Variants in HPSE2 observed in about 807,000 individuals in gnomAD.
HPSE2 encodes inactive heparanase-2.
In HPSE2, 38 loss-of-function variants were observed where a neutral mutation model predicts 60.5. That is an observed-to-expected ratio of 0.63 (90% CI 0.48 to 0.82). The LOEUF (loss-of-function observed/expected upper bound fraction) is 0.82. Among genes scored for constraint, HPSE2 ranks in the 40% least tolerant of loss-of-function variants. The pLI is 0.00. For missense variants in HPSE2, 713 were observed against 740.4 expected (o/e 0.96, Z 0.43); for synonymous variants, 295 against 293.2 (o/e 1.01, Z -0.06).
intron 9 of HPSE2, among the ~76,000 whole-genome samples, chr10:98,524,354 A>G (rs1054199020): frequency 6.6e-6 from 1 of 152,216 alleles, no homozygotes; most frequent in African/African-American, 2.4e-5. Context: ...GGGGACTTCA[A>G]TGATGCTCAA....
chr10:98,756,802 A>C (rs2134372809), intron 3 of HPSE2, among the ~76,000 whole-genome samples: 1 of 152,256 alleles, frequency 6.6e-6, no homozygotes, highest in South Asian at 2.1e-4. Context: ...ATCCAGGAGA[A>C]GAACCTCTTC....
chr10:98,909,117 G>C (rs1953908844), intron 3 of HPSE2, among the ~76,000 whole-genome samples: 1 of 152,064 alleles, frequency 6.6e-6, no homozygotes, highest in South Asian at 2.1e-4. Context: ...AAATATCCTG[G>C]GTTCCTGACG....
chr10:99,087,296 C>A (rs1394284920), intron 3 of HPSE2, among the ~76,000 whole-genome samples: 1 of 152,170 alleles, frequency 6.6e-6, no homozygotes, highest in Non-Finnish European at 1.5e-5. Context: ...AGAAAAACTT[C>A]CCTTTCATGG....
At chr10:98,975,771 G>A (rs1214057345) in intron 3 of HPSE2, among the ~76,000 whole-genome samples, 6 of 152,276 alleles carry the variant, frequency 3.9e-5, no homozygotes, top group Admixed American at 1.3e-4. Context: ...AGTTGAGGTT[G>A]GAGCTAGGTT....
In HPSE2 at chr10:98,979,237, A is replaced by C. The variant is rs536888071; in HGVS notation, c.610+165001T>G. 2.6e-5 allele frequency among the ~76,000 whole-genome samples: 4 copies of C among 152,258 alleles called. No individual in the cohort carries two copies. The East Asian group carries it at 7.7e-4, about 29-fold the overall frequency. On this transcript the variant is annotated intron_variant, in intron 3 of 11. Transcript: ENST00000370552. ...TAGGGTACTGCTGGCCATGAATTCA[A>C]TGTTAATGAATGAACAATACAACAC...
Position 99,096,073 on chromosome 10 carries a change from A to G in HPSE2, c.610+48165T>C, listed in dbSNP as rs1012062638. On this transcript the variant is annotated intron_variant, in intron 3 of 11. Coordinates refer to ENST00000370552, the MANE Select transcript of HPSE2 (RefSeq NM_021828.5). ...TACTCAGGTATAAACTGTCTTTGAT[A>G]TATCTTCTTCAAATCTTCATAAAGT... is the stretch of plus-strand genomic sequence containing the variant. Among the ~76,000 whole-genome samples the G allele has an allele frequency of 9.8e-5, 15 of 152,328 alleles. No individual in the cohort carries two copies. In the East Asian group the frequency reaches 2.9e-3, roughly 29 times the overall value.
intron 9 of HPSE2, among the ~76,000 whole-genome samples, chr10:98,574,138 A>G (rs1410543146): frequency 1.3e-5 from 2 of 151,862 alleles, no homozygotes; most frequent in East Asian, 1.9e-4. Context: ...AAGTGGAATC[A>G]TAACATATGG....
chr10:98,529,479 T>A (rs752472764), intron 9 of HPSE2, among the ~76,000 whole-genome samples: 19 of 152,196 alleles, frequency 1.2e-4, no homozygotes, highest in Non-Finnish European at 2.1e-4. Context: ...CAGCTGAATG[T>A]AGCTGGAGAA....
intron 3 of HPSE2, among the ~76,000 whole-genome samples, chr10:98,993,572 GA>G (rs1158410639): frequency 1.3e-5 from 2 of 152,076 alleles, no homozygotes. Flanking sequence ...ATACATTCCA[GA>G]AATTATGTAA....
At chr10:98,841,522 G>A (rs762887166) in intron 3 of HPSE2, among the ~76,000 whole-genome samples, 1 of 151,986 alleles carries the variant, frequency 6.6e-6, no homozygotes. Flanking sequence ...GTAATCTTCC[G>A]GAACTTAACT....
intron 2 of HPSE2, among the ~76,000 whole-genome samples, chr10:99,166,991 T>C (rs1392370966): frequency 6.8e-6 from 1 of 147,036 alleles, no homozygotes; most frequent in African/African-American, 2.6e-5. Context: ...TTTTTTCTTT[T>C]TTCTTTCCTT....
At chr10:98,716,503 A>C (rs1370370617) in intron 5 of HPSE2, among the ~76,000 whole-genome samples, 1 of 152,060 alleles carries the variant, frequency 6.6e-6, no homozygotes, top group Non-Finnish European at 1.5e-5. Flanking sequence ...TTTCCCATGA[A>C]TCACAAATGT....
rs1042907108 is a variant in HPSE2 at position 99,061,686 on chromosome 10, T to C, written c.610+82552A>G. Among the ~76,000 whole-genome samples, 7 of 152,318 alleles carry C rather than the reference T, an allele frequency of 4.6e-5. No homozygotes were observed. The East Asian group carries it at 1.2e-3, about 25-fold the overall frequency. ...GGGCAATACAGCATAGTAGTTAAGA[T>C]GGTTAGGAGCACAGACTATGGAGCC... On this transcript the variant is annotated intron_variant, in intron 3 of 11. Transcript: ENST00000370552.
rs7100337 is a variant in HPSE2 at position 98,503,332 on chromosome 10, A to C, written c.1321-13136T>G. Among the ~76,000 whole-genome samples the C allele has an allele frequency of 4.6e-3, 698 of 152,310 alleles. 6 individuals carry two copies. The highest frequency in any genetic ancestry group is 0.016 in the African/African-American group (669 of 41,560). On this transcript the variant is annotated intron_variant, in intron 9 of 11. Transcript: ENST00000370552. Reference sequence around the variant, plus strand: ...CAATGCAATACCACCTTACTCCTACAAGAATGGCTGTAATCAAAAAATCAA... The same window carrying C: ...CAATGCAATACCACCTTACTCCTACCAGAATGGCTGTAATCAAAAAATCAA...
chr10:98,965,784 A>AT (rs1955798816), intron 3 of HPSE2, among the ~76,000 whole-genome samples: 1 of 152,232 alleles, frequency 6.6e-6, no homozygotes, highest in South Asian at 2.1e-4. Flanking sequence ...TCATGTATTC[A>AT]GAATATATCA....
At chr10:99,306,200 T>C in the HPSE2 span, among the ~76,000 whole-genome samples, 1 of 152,162 alleles carries the variant, frequency 6.6e-6, no homozygotes, top group Non-Finnish European at 1.5e-5. Flanking sequence ...AGGAGATATG[T>C]TGGAGGATTT....
rs1263429535 is a variant in HPSE2 at position 98,934,929 on chromosome 10, C to A, written c.611-190873G>T. On this transcript the variant is annotated intron_variant, in intron 3 of 11. Coordinates refer to ENST00000370552, the MANE Select transcript of HPSE2 (RefSeq NM_021828.5). ...TCTCTTTCAGGTATCCAAACAGTCA[C>A]AGGTTTGGTCTTTTTACACAGTCCC... 2.1e-5 allele frequency among the ~76,000 whole-genome samples: 3 copies of A among 143,276 alleles called. No homozygotes were observed. The South Asian group carries it at 6.4e-4, about 30-fold the overall frequency. The allele number at this position is 143,276 out of a possible 152,430, so 94.0% of individuals were successfully genotyped here.
Position 99,126,805 on chromosome 10 carries a change from T to C in HPSE2, c.610+17433A>G, listed in dbSNP as rs886442840. Among the ~76,000 whole-genome samples, 3 of 152,214 alleles carry C rather than the reference T, an allele frequency of 2.0e-5. No homozygotes were observed. Among genetic ancestry groups the C allele is most frequent in the Non-Finnish European group, 4.4e-5 (3 of 68,046 alleles). On this transcript the variant is annotated intron_variant, in intron 3 of 11. Coordinates refer to ENST00000370552, the MANE Select transcript of HPSE2 (RefSeq NM_021828.5). The surrounding 1 kb of genome is among the most constrained non-coding windows in gnomAD (Gnocchi z 4.0). ...AGTATCCATGGCTGAGACCTGAAGA[T>C]GGATCACATCATAGGACTCTTTGCA...
chr10:98,642,107 C>A (rs1406342121), intron 6 of HPSE2, among the ~76,000 whole-genome samples, 167 bp from the exon 7 acceptor site: 1 of 152,180 alleles, frequency 6.6e-6, no homozygotes, highest in Non-Finnish European at 1.5e-5. Context: ...CAAATAATAA[C>A]CTTTTTATCT....
Sources: gnomAD v4.1 joint callset for allele counts (sites outside exome capture counted in the v4.1 genomes callset) on GRCh38, gnomAD v4.1.1 for gene constraint, Gnocchi (gnomAD v3.1) non-coding constraint, MANE v1.5 for transcripts, NCBI Gene and HGNC (gene_info 2026-07-23, HGNC 2026-07-21) for gene names.